XKR4: variants seen among roughly 807,000 people sequenced by gnomAD.
The protein encoded by XKR4 is XK-related protein 4.
Under a neutral mutation model 53.9 loss-of-function variants are expected in XKR4, and 12 were observed. The observed-to-expected ratio is 0.22, with a 90% CI of 0.14 to 0.36. XKR4 has a LOEUF of 0.36. Among genes scored for constraint, XKR4 ranks in the 10% least tolerant of loss-of-function variants. The pLI is 1.00. For synonymous variants in XKR4, 354 were observed against 362.4 expected (o/e 0.98, Z 0.26); for missense variants, 799 against 859.5 (o/e 0.93, Z 0.88).
rs566637658 is a variant in XKR4 at position 55,277,760 on chromosome 8, T to C, written c.807-79918T>C. Among the ~76,000 whole-genome samples the C allele has an allele frequency of 2.9e-4, 44 of 152,314 alleles. 1 individual carries two copies. The South Asian group carries it at 8.9e-3, about 31-fold the overall frequency. ...CCTCAAACACTTCTGGGTTGTGGAA[T>C]AAGACTACAGAGGGAGGCCCATGTG... On this transcript the variant is annotated intron_variant, in intron 1 of 2. Coordinates refer to ENST00000327381, the MANE Select transcript of XKR4 (RefSeq NM_052898.2).
intron 1 of XKR4, among the ~76,000 whole-genome samples, chr8:55,356,569 T>G (rs1000292595): frequency 4.7e-5 from 6 of 128,878 alleles, no homozygotes; most frequent in Non-Finnish European, 6.5e-5. Context: ...GAACATTGAG[T>G]ATTTGATACT....
In XKR4 at chr8:55,283,100, G is replaced by A. The variant is rs145960278; in HGVS notation, c.807-74578G>A. On this transcript the variant is annotated intron_variant, in intron 1 of 2. Transcript: ENST00000327381. ...AGGCCATACCATATAGCCTAGGTGT[G>A]TAGTAGGCTCTACTATCTAGTTTTG... Among the ~76,000 whole-genome samples, 748 of 152,282 alleles carry A rather than the reference G, an allele frequency of 4.9e-3. 3 individuals are homozygous for A. The highest frequency in any genetic ancestry group is 0.012 in the East Asian group (60 of 5,182).
chr8:55,470,563 G>A (rs866293699), intron 2 of XKR4, among the ~76,000 whole-genome samples: 11 of 152,102 alleles, frequency 7.2e-5, no homozygotes, highest in Admixed American at 2.6e-4. Flanking sequence ...TTCTTCTTAC[G>A]TTGCCAAGTC....
At chr8:55,520,111 TGG>T (rs1417288300) in intron 2 of XKR4, among the ~76,000 whole-genome samples, 3 of 152,208 alleles carry the variant, frequency 2.0e-5, no homozygotes, top group African/African-American at 7.2e-5. Flanking sequence ...AAGTCTGTCT[TGG>T]CATTGGAAAA....
chr8:55,390,070 G>A lies in XKR4; in HGVS notation c.1006+32193G>A, dbSNP rs116243540. Among the ~76,000 whole-genome samples, 670 of 152,300 alleles carry A rather than the reference G, an allele frequency of 4.4e-3. 6 individuals carry two copies. The highest frequency in any genetic ancestry group is 0.015 in the African/African-American group (637 of 41,558). On this transcript the variant is annotated intron_variant, in intron 2 of 2. Coordinates refer to ENST00000327381, the MANE Select transcript of XKR4 (RefSeq NM_052898.2). ...AACTTTAACAAATGGAAACTGGCCC[G>A]TGGTTATCTCAATTTCCAGTAAGTT... is the stretch of plus-strand genomic sequence containing the variant.
intron 1 of XKR4, among the ~76,000 whole-genome samples, chr8:55,250,877 T>G (rs1818352918): frequency 6.6e-6 from 1 of 152,226 alleles, no homozygotes; most frequent in Non-Finnish European, 1.5e-5. Context: ...AAAACCCTGT[T>G]GTTAGGCACT....
chr8:55,166,180 TA>T (rs1817062938), intron 1 of XKR4, among the ~76,000 whole-genome samples: 2 of 152,158 alleles, frequency 1.3e-5, no homozygotes, highest in African/African-American at 2.4e-5. Flanking sequence ...AAATCAGCAA[TA>T]AAAAATTGCT....
intron 1 of XKR4, among the ~76,000 whole-genome samples, chr8:55,191,157 C>T (rs1262595034): frequency 6.6e-6 from 1 of 152,094 alleles, no homozygotes; most frequent in Admixed American, 6.5e-5. Context: ...CCAAGCTATT[C>T]ATGAGTCTGG....
At chr8:55,248,022 A>AT (rs1202141667) in intron 1 of XKR4, among the ~76,000 whole-genome samples, 7 of 151,144 alleles carry the variant, frequency 4.6e-5, no homozygotes, top group African/African-American at 7.3e-5. Flanking sequence ...CACCCAGCTA[A>AT]TTTTTTGTAT....
chr8:55,214,106 C>T (rs574931961), intron 1 of XKR4, among the ~76,000 whole-genome samples: 2 of 152,182 alleles, frequency 1.3e-5, no homozygotes, highest in Non-Finnish European at 2.9e-5. Flanking sequence ...TAGTGATTTG[C>T]CTGTCTCAGC....
At chr8:55,387,232 C>G (rs747695374) in intron 2 of XKR4, among the ~76,000 whole-genome samples, 1 of 152,316 alleles carries the variant, frequency 6.6e-6, no homozygotes, top group Admixed American at 6.5e-5. Flanking sequence ...TGCTCTGACT[C>G]CAGGAGCACT....
chr8:55,458,943 G>C (rs543640571), intron 2 of XKR4, among the ~76,000 whole-genome samples: 31 of 152,168 alleles, frequency 2.0e-4, no homozygotes, highest in Non-Finnish European at 4.0e-4. Flanking sequence ...GTCCAGGCTT[G>C]AGGGGGAGAC....
chr8:55,205,307 T>G (rs914506349), intron 1 of XKR4, among the ~76,000 whole-genome samples: 28 of 152,244 alleles, frequency 1.8e-4, no homozygotes, highest in African/African-American at 6.8e-4. Context: ...TTTTGTTTTG[T>G]ACTTAAACTA....
At chr8:55,168,540 A>G (rs767466695) in intron 1 of XKR4, among the ~76,000 whole-genome samples, 4 of 152,190 alleles carry the variant, frequency 2.6e-5, no homozygotes, top group Admixed American at 1.3e-4. Context: ...TGTCACTCGC[A>G]TTAAAATGAA....
intron 1 of XKR4, among the ~76,000 whole-genome samples, chr8:55,328,130 G>A (rs956185816): frequency 7.2e-5 from 11 of 152,088 alleles, no homozygotes; most frequent in African/African-American, 2.7e-4. Flanking sequence ...GAACAGCATG[G>A]GGGAAACCAC....
At chr8:55,343,326 C>T (rs1370611357) in intron 1 of XKR4, among the ~76,000 whole-genome samples, 1 of 152,152 alleles carries the variant, frequency 6.6e-6, no homozygotes, top group African/African-American at 2.4e-5. Context: ...TTCGCCCTTT[C>T]CTGGACTCAT....
intron 1 of XKR4, among the ~76,000 whole-genome samples, chr8:55,299,580 A>G (rs1819150190): frequency 6.6e-6 from 1 of 152,168 alleles, no homozygotes; most frequent in African/African-American, 2.4e-5. Context: ...GTGAGTAAGA[A>G]TTCTGTTAAA....
chr8:55,437,585 G>A (rs1805194633), intron 2 of XKR4, among the ~76,000 whole-genome samples: 8 of 152,154 alleles, frequency 5.3e-5, no homozygotes. Flanking sequence ...CTGAGAATGT[G>A]AATGATATAA....
chr8:55,430,086 G>A (rs147280951), intron 2 of XKR4, among the ~76,000 whole-genome samples: 22 of 152,262 alleles, frequency 1.4e-4, no homozygotes, highest in African/African-American at 4.8e-4. Flanking sequence ...AAGCTACAAT[G>A]AAATATTACT....
Sources: gnomAD v4.1 joint callset for allele counts (sites outside exome capture counted in the v4.1 genomes callset) on GRCh38, gnomAD v4.1.1 for gene constraint, MANE v1.5 for transcripts, NCBI Gene and HGNC (gene_info 2026-07-23, HGNC 2026-07-21) for gene names.